Variants in SNTG2 observed in about 807,000 individuals in gnomAD.
SNTG2 encodes the protein syntrophin gamma 2.
Under a neutral mutation model 70.9 loss-of-function variants are expected in SNTG2, and 74 were observed. The observed-to-expected ratio is 1.04, with a 90% CI of 0.86 to 1.27. SNTG2 has a LOEUF of 1.27. Among genes scored for constraint, SNTG2 ranks in the 50% most tolerant of loss-of-function variants. The probability of loss-of-function intolerance (pLI) is 0.00; values close to 1 mark genes in which losing one functional copy is unlikely to be tolerated. For synonymous variants in SNTG2, 278 were observed against 273.8 expected (o/e 1.02, Z -0.15); for missense variants, 717 against 690.7 (o/e 1.04, Z -0.43).
chr2:1,040,780 A>T (rs1285842695), intron 1 of SNTG2, among the ~76,000 whole-genome samples: 1 of 152,238 alleles, frequency 6.6e-6, no homozygotes, highest in Non-Finnish European at 1.5e-5. Context: ...ATGACAGTGT[A>T]AGTAGCAGAA....
chr2:1,026,387 A>G (rs957618278), intron 1 of SNTG2, among the ~76,000 whole-genome samples: 2 of 152,206 alleles, frequency 1.3e-5, no homozygotes, highest in Non-Finnish European at 2.9e-5. Context: ...TTAATTCAGA[A>G]TCTGCTATTC....
At chr2:1,038,940 T>C (rs1458812217) in intron 1 of SNTG2, among the ~76,000 whole-genome samples, 1 of 152,236 alleles carries the variant, frequency 6.6e-6, no homozygotes, top group Non-Finnish European at 1.5e-5. Flanking sequence ...ATTGTTATGC[T>C]TCTACCTTTT....
At position 1,209,233 on chromosome 2, in the gene SNTG2, G is replaced by A; in HGVS notation, c.719+3G>A. The A allele has an allele frequency of 6.2e-7, 1 of 1,613,938 alleles. No homozygotes were observed. The highest frequency in any genetic ancestry group is 8.5e-7 in the Non-Finnish European group (1 of 1,179,864). On this transcript the variant is annotated splice_donor_region_variant and intron_variant, in intron 9 of 16. Coordinates refer to ENST00000308624, the MANE Select transcript of SNTG2 (RefSeq NM_018968.4). ...AAAGCCGGAACGGAAAAATTAAGGT[G>A]TGTGACCATTGTCTGAGATGGGAAA... is the stretch of plus-strand genomic sequence containing the variant.
chr2:984,140 C>G (rs11894793), intron 1 of SNTG2, among the ~76,000 whole-genome samples: 1 of 151,896 alleles, frequency 6.6e-6, no homozygotes, highest in Non-Finnish European at 1.5e-5. Context: ...GCAGAGGTGA[C>G]GCTATTGAAT....
At chr2:1,279,865 G>A (rs1204754203) in intron 14 of SNTG2, among the ~76,000 whole-genome samples, 1 of 152,192 alleles carries the variant, frequency 6.6e-6, no homozygotes, top group Non-Finnish European at 1.5e-5. Flanking sequence ...AGAGACTGAT[G>A]CACATGCTGC....
intron 16 of SNTG2, among the ~76,000 whole-genome samples, chr2:1,346,123 A>G (rs868646411): frequency 5.6e-4 from 5 of 8,918 alleles, no homozygotes; most frequent in Non-Finnish European, 8.5e-4. Context: ...TGTTCTGGGC[A>G]CGCCTGGCCC....
intron 6 of SNTG2, chr2:1,161,276 AAG>A (rs1670253837): frequency 1.4e-5 from 2 of 146,746 alleles, no homozygotes; most frequent in South Asian, 2.1e-4. Context: ...GTCAAAAAAA[AAG>A]AGAGCGCATC....
At chr2:1,245,886 C>T (rs1340381786) in intron 11 of SNTG2, among the ~76,000 whole-genome samples, 1 of 152,116 alleles carries the variant, frequency 6.6e-6, no homozygotes, top group Non-Finnish European at 1.5e-5. Flanking sequence ...CCGTAATTCT[C>T]ACGTGAGATC....
Position 1,266,014 on chromosome 2 carries a change from A to G in SNTG2, c.1078-1351A>G, listed in dbSNP as rs148238870. ...GGTGGATCTGTGGACCAGTAAATGA[A>G]TGGGTGAGCTGAGAACTGAGGTGGG... On this transcript the variant is annotated intron_variant, in intron 13 of 16. Transcript: ENST00000308624. Among the ~76,000 whole-genome samples, 1,437 of 152,206 alleles carry G rather than the reference A, an allele frequency of 9.4e-3. 24 individuals carry two copies. The highest frequency in any genetic ancestry group is 0.032 in the African/African-American group (1,317 of 41,514).
chr2:1,274,131 A>G (rs1679173018), intron 14 of SNTG2, among the ~76,000 whole-genome samples: 1 of 152,234 alleles, frequency 6.6e-6, no homozygotes, highest in Non-Finnish European at 1.5e-5. Context: ...ATTTTAAAAG[A>G]CTGATGATGC....
chr2:1,254,271 C>G (rs1467242976), intron 12 of SNTG2, among the ~76,000 whole-genome samples: 2 of 152,170 alleles, frequency 1.3e-5, no homozygotes, highest in Admixed American at 6.5e-5. Flanking sequence ...TCCCATGCAC[C>G]AGGAGATGCT....
Position 1,155,174 on chromosome 2 carries a change from C to CACACACACACACACACA in SNTG2, c.412-10374_412-10373insACACACACACACACACA, listed in dbSNP as rs376428558. Among the ~76,000 whole-genome samples, 386 of 146,724 alleles carry CACACACACACACACACA rather than the reference C, an allele frequency of 2.6e-3. 1 individual carries two copies. The highest frequency in any genetic ancestry group is 8.5e-3 in the African/African-American group (343 of 40,186). On this transcript the variant is annotated intron_variant, in intron 6 of 16. Transcript: ENST00000308624. Reference sequence around the variant, plus strand: ...CCATACACACACACACGTAGACCCCCCCCCCACACACATATATAGACCACA... The same window carrying CACACACACACACACACA: ...CCATACACACACACACGTAGACCCCCACACACACACACACACACCCCCACACACATATATAGACCACA...
In SNTG2 at chr2:1,243,507, A is replaced by T. The variant is rs1422458387; in HGVS notation, c.888+3731A>T. Among the ~76,000 whole-genome samples, 7 of 152,322 alleles carry T rather than the reference A, an allele frequency of 4.6e-5. No homozygotes were observed. In the East Asian group the frequency reaches 1.4e-3, roughly 29 times the overall value. ...GCTGCCATGCTGGAAAAAGAATCCC[A>T]AGTTCTCTATTTTAGCCAAGATTCA... On this transcript the variant is annotated intron_variant, in intron 11 of 16. Coordinates refer to ENST00000308624, the MANE Select transcript of SNTG2 (RefSeq NM_018968.4).
intron 1 of SNTG2, among the ~76,000 whole-genome samples, chr2:984,505 A>G (rs115030079): frequency 1.4e-3 from 212 of 152,158 alleles, no homozygotes; most frequent in Non-Finnish European, 2.3e-3. Flanking sequence ...CTCTCTGCTA[A>G]ATGCCATCTA....
At chr2:1,348,648 C>A (rs1660423399) in intron 16 of SNTG2, among the ~76,000 whole-genome samples, 1 of 152,218 alleles carries the variant, frequency 6.6e-6, no homozygotes, top group Admixed American at 6.5e-5. Context: ...TGATTGAAGT[C>A]TGCTGTCTTC....
At chr2:958,789 C>T (rs1660252807) in intron 1 of SNTG2, among the ~76,000 whole-genome samples, 1 of 151,952 alleles carries the variant, frequency 6.6e-6, no homozygotes, top group Admixed American at 6.6e-5. Flanking sequence ...AGATGTAGTA[C>T]AGTAAAATGT....
intron 1 of SNTG2, among the ~76,000 whole-genome samples, chr2:1,054,473 C>A (rs1662266799): frequency 6.6e-6 from 1 of 152,166 alleles, no homozygotes; most frequent in Admixed American, 6.5e-5. Context: ...TTGAAGGATT[C>A]CTGAAAGGAA....
chr2:1,360,534 C>T (rs137891276), intron 16 of SNTG2, among the ~76,000 whole-genome samples: 183 of 152,258 alleles, frequency 1.2e-3, no homozygotes, highest in Middle Eastern at 3.4e-3. Context: ...TGTGCACTGG[C>T]ACCTGCCACA....
At chr2:1,115,664 G>T (rs75958624) in intron 4 of SNTG2, among the ~76,000 whole-genome samples, 1 of 151,638 alleles carries the variant, frequency 6.6e-6, no homozygotes, top group Non-Finnish European at 1.5e-5. Flanking sequence ...GGAGGATCGT[G>T]TGTACTAAGT....
Sources: allele counts gnomAD v4.1 joint callset (sites outside exome capture counted in the v4.1 genomes callset), GRCh38; gene constraint gnomAD v4.1.1; transcripts MANE v1.5; gene names NCBI Gene and HGNC (gene_info 2026-07-23, HGNC 2026-07-21).